The following THBS2 variants were observed in gnomAD, a reference collection of about 807,000 sequenced individuals.
The protein encoded by THBS2 is thrombospondin-2.
Under a neutral mutation model 135.2 loss-of-function variants are expected in THBS2, and 47 were observed. The ratio of observed to expected loss-of-function variants is 0.35; its 90% CI spans 0.28 to 0.44. THBS2 has a LOEUF of 0.44. THBS2 is among the 20% of genes least tolerant of loss of function. The probability of loss-of-function intolerance (pLI) is 1.00; values close to 1 mark genes in which losing one functional copy is unlikely to be tolerated. For missense variants in THBS2, 1,288 were observed against 1,603.1 expected, an observed-to-expected ratio of 0.80 and a Z score of 3.36; for synonymous variants, 639 against 633.8, an observed-to-expected ratio of 1.01 and a Z score of -0.12.
intron 4 of THBS2, among the ~76,000 whole-genome samples, chr6:169,244,164 GTTTTTT>G (rs34458367): frequency 0.014 from 1,657 of 120,336 alleles, 30 homozygotes; most frequent in East Asian, 0.096. Flanking sequence ...ATTTCTCTGT[GTTTTTT>G]TTTTTTTTTT....
chr6:169,242,594 T>TCC (rs1296710850), intron 4 of THBS2, among the ~76,000 whole-genome samples: 11 of 86,530 alleles, frequency 1.3e-4, no homozygotes, highest in African/African-American at 4.5e-4. Context: ...ATTCCCACCT[T>TCC]CCCACATTCC....
chr6:169,237,246 T>A lies in THBS2; in HGVS notation c.1401A>T (p.Pro467=). Residue 467 remains proline, a synonymous_variant, in exon 9 of 22, where the codon CCA becomes CCT. Coordinates refer to ENST00000617924, the MANE Select transcript of THBS2 (RefSeq NM_003247.5). ...NITRIRLCNS[P]VPQMGGKNCK... ...AATTCTTGCCCCCCATCTGGGGCAC[T>A]GGGGAGTTGCAGAGACGGATGCGTG... is the stretch of plus-strand genomic sequence containing the variant. The A allele has an allele frequency of 6.2e-7, 1 of 1,613,466 alleles. No homozygotes were observed. Among genetic ancestry groups the A allele is most frequent in the Non-Finnish European group, 8.5e-7 (1 of 1,180,014 alleles).
rs9717605 is a variant in THBS2, at chr6:169,252,297, G to C, written c.-23+1427C>G. Reference sequence around the variant, plus strand: ...TGGCCATGAGCTTAGAACAGTACCTGCATGCAGTAAGCACCACAGAACGGT... The same window carrying C: ...TGGCCATGAGCTTAGAACAGTACCTCCATGCAGTAAGCACCACAGAACGGT... On this transcript the variant is annotated intron_variant, in intron 1 of 21. Transcript: ENST00000617924. This position sits in a 1 kb window ranked among gnomAD's most constrained non-coding sequence, Gnocchi z 4.3. 30,821 of 152,126 alleles carry C rather than the reference G, an allele frequency of 0.2. 3,485 individuals are homozygous for C. Among genetic ancestry groups the C allele is most frequent in the Middle Eastern group, 0.27 (79 of 296 alleles). 9.4% of individuals were successfully genotyped at this position (152,126 alleles called of 1,614,324 possible). A position where few individuals can be genotyped will look rare whatever the true frequency, so the allele number is the denominator to read the frequency against.
rs1259090396 is a variant in THBS2 at position 169,233,078 on chromosome 6, C to T, written c.1652-61G>A. 27 of 1,443,416 alleles carry T rather than the reference C, an allele frequency of 1.9e-5. 1 individual carries two copies. The highest frequency in any genetic ancestry group is 1.7e-4 in the South Asian group (12 of 69,942). The allele number at this position is 1,443,416 out of a possible 1,614,324, so 89.4% of individuals were successfully genotyped here. A position where few individuals can be genotyped will look rare whatever the true frequency, so the allele number is the denominator to read the frequency against. On this transcript the variant is annotated intron_variant, in intron 10 of 21. Coordinates refer to ENST00000617924, the MANE Select transcript of THBS2 (RefSeq NM_003247.5). ...GCCCTGCGCAGCACAGAAGGAAGCC[C>T]GCCCTGTGGGCCGTCAAACACTCTG...
chr6:169,242,099 A>G, intron 4 of THBS2, 141 bp from the exon 5 acceptor site: 2 of 948,020 alleles, frequency 2.1e-6, no homozygotes, highest in South Asian at 1.7e-5. Flanking sequence ...CTGGGCCAGC[A>G]GCAGAGGCCA....
At chr6:169,226,585 G>T (rs1009811869) in intron 15 of THBS2, among the ~76,000 whole-genome samples, 1 of 152,160 alleles carries the variant, frequency 6.6e-6, no homozygotes, top group African/African-American at 2.4e-5. Flanking sequence ...TGCTGTCGCC[G>T]TGTAAATCTG....
At chr6:169,223,221 C>T in intron 18 of THBS2, 27 bp downstream of exon 18, 2 of 1,596,890 alleles carry the variant, frequency 1.3e-6, no homozygotes, top group Non-Finnish European at 1.7e-6. Context: ...GAAATGCTGG[C>T]ACCACCGCCG....
In THBS2 at chr6:169,246,255, C is replaced by T; in HGVS notation, c.636G>A (p.Val212=). The T allele has an allele frequency of 6.2e-7, 1 of 1,613,914 alleles. No homozygotes were observed. The highest frequency in any genetic ancestry group is 8.5e-7 in the Non-Finnish European group (1 of 1,180,010). The change falls in exon 4 of 22, where the codon GTG becomes GTA. Residue 212 remains valine, a synonymous_variant. Transcript: ENST00000617924. The part of the protein sequence containing the change: ...FRGLLQNVHL[V]FENSVEDILS... ...GAATATCTTCCACAGAGTTTTCAAA[C>T]ACTAGGTGGACGTTCTGAAGCAAAC...
At chr6:169,240,630 A>C (rs1185603111) in intron 5 of THBS2, 38 bp from the exon 6 acceptor site, 2 of 1,602,126 alleles carry the variant, frequency 1.2e-6, no homozygotes, top group East Asian at 2.2e-5. Context: ...GTAGACAATA[A>C]TACTACATAT....
At position 169,216,586 on chromosome 6, in the gene THBS2, G is replaced by A. The variant is rs1469548761; in HGVS notation, c.*1236C>T. Reference sequence around the variant, plus strand: ...CAGTAACAAATATTGAACTAAAATCGCTGGCAACATTATATATTTAAGGTT... The same window carrying A: ...CAGTAACAAATATTGAACTAAAATCACTGGCAACATTATATATTTAAGGTT... On this transcript the variant is annotated 3_prime_UTR_variant, in exon 22 of 22. Coordinates refer to ENST00000617924, the MANE Select transcript of THBS2 (RefSeq NM_003247.5). 1.6e-5 allele frequency: 2 copies of A among 128,574 alleles called. No homozygotes were observed. Among genetic ancestry groups the A allele is most frequent in the Non-Finnish European group, 3.2e-5 (2 of 61,742 alleles). 8.0% of individuals were successfully genotyped at this position (128,574 alleles called of 1,614,324 possible). A position where few individuals can be genotyped will look rare whatever the true frequency, so the allele number is the denominator to read the frequency against.
In THBS2 at chr6:169,223,335, T is replaced by C. The variant is rs1296234134; in HGVS notation, c.2914A>G (p.Thr972Ala). ...FQMVPLDPKG[T>A]TQIDPNWVIR... is the part of the protein sequence containing the mutation. ...ACCCAGTTGGGATCAATTTGGGTGG[T>C]CCCTTTGGGATCCAAGGGGACCATC... Residue 972 changes from threonine to alanine, a missense_variant, in exon 18 of 22, where the codon ACC becomes GCC. Coordinates refer to ENST00000617924, the MANE Select transcript of THBS2 (RefSeq NM_003247.5). 1.2e-6 allele frequency: 2 copies of C among 1,614,174 alleles called. No homozygotes were observed. The highest frequency in any genetic ancestry group is 1.1e-5 in the South Asian group (1 of 91,078).
intron 13 of THBS2, among the ~76,000 whole-genome samples, chr6:169,231,694 T>G (rs1270470248): frequency 1.3e-5 from 2 of 152,140 alleles, no homozygotes; most frequent in Admixed American, 6.5e-5. Context: ...CTCCCTCTGC[T>G]CAGTTTCAGG....
intron 1 of THBS2, among the ~76,000 whole-genome samples, chr6:169,253,172 G>T (rs1346309088): frequency 1.3e-5 from 2 of 152,010 alleles, no homozygotes; most frequent in African/African-American, 2.4e-5. Flanking sequence ...TTAACAATCA[G>T]AGTCTCTCTT....
chr6:169,245,709 G>A (rs529351498), intron 4 of THBS2, among the ~76,000 whole-genome samples: 5 of 150,554 alleles, frequency 3.3e-5, no homozygotes, highest in East Asian at 2.0e-4. Context: ...GAAGAGTGGC[G>A]TGAACCCAGG....
chr6:169,245,965 G>T (rs11756759), intron 4 of THBS2: 140,794 of 375,072 alleles, frequency 0.38, 28,033 homozygotes, highest in Middle Eastern at 0.46. Flanking sequence ...TTATTTGGAT[G>T]ATTAAAATCT....
At chr6:169,219,445 G>A (rs190363211) in intron 21 of THBS2, among the ~76,000 whole-genome samples, 2 of 152,200 alleles carry the variant, frequency 1.3e-5, no homozygotes, top group East Asian at 3.9e-4. Context: ...TGATATGGAT[G>A]GATGGGAGGA....
rs372025449 is a variant in THBS2 at position 169,241,400 on chromosome 6, G to GGT, written c.891+360_891+361dup. Among the ~76,000 whole-genome samples the GGT allele has an allele frequency of 8.7e-4, 132 of 150,966 alleles. No homozygotes were observed. The highest frequency in any genetic ancestry group is 1.3e-3 in the Non-Finnish European group (91 of 67,762). ...TGAAATAAAATTATTTTCCTCTGCA[G>GGT]GTGTGTGTGTGTGTGTATGTGTGTG... is the stretch of plus-strand genomic sequence containing the variant. On this transcript the variant is annotated intron_variant, in intron 5 of 21. Transcript: ENST00000617924. The surrounding 1 kb of genome is among the most constrained non-coding windows in gnomAD (Gnocchi z 5.5).
intron 1 of THBS2, among the ~76,000 whole-genome samples, chr6:169,251,284 T>C (rs1360607382): frequency 6.6e-6 from 1 of 152,212 alleles, no homozygotes; most frequent in Non-Finnish European, 1.5e-5. Flanking sequence ...AAAACAGTTA[T>C]GCATAACCTA....
At chr6:169,227,613 C>T (rs1221015569) in intron 15 of THBS2, among the ~76,000 whole-genome samples, 1 of 152,122 alleles carries the variant, frequency 6.6e-6, no homozygotes, top group Admixed American at 6.5e-5. Flanking sequence ...CTAGGGCGGT[C>T]CTGTGGCTGG....
Sources: allele counts gnomAD v4.1 joint callset (sites outside exome capture counted in the v4.1 genomes callset), GRCh38; gene constraint gnomAD v4.1.1; non-coding constraint Gnocchi (gnomAD v3.1); transcripts MANE v1.5; gene names NCBI Gene and HGNC (gene_info 2026-07-23, HGNC 2026-07-21).